SPSB4: variants seen among roughly 807,000 people sequenced by gnomAD.
SPSB4 encodes the protein SPRY domain-containing SOCS box protein 4.
SPSB4 carries 21 observed loss-of-function variants against 20.9 expected under a neutral mutation model. That is an observed-to-expected ratio of 1.01 (90% CI 0.71 to 1.45). The LOEUF (loss-of-function observed/expected upper bound fraction) is 1.45, where lower values mean the gene tolerates loss of function less well. Ranked by LOEUF, SPSB4 falls within the 40% of genes most tolerant of loss-of-function variation. SPSB4 has a pLI of 0.00. For missense variants in SPSB4, 399 were observed against 399.2 expected (o/e 1.00, Z 0.00); for synonymous variants, 207 against 183.8 (o/e 1.13, Z -1.02).
At chr3:141,107,558 G>A (rs559638873) in intron 2 of SPSB4, among the ~76,000 whole-genome samples, 1 of 152,312 alleles carries the variant, frequency 6.6e-6, no homozygotes, top group African/African-American at 2.4e-5. Context: ...AGTCCCTTAG[G>A]TTTCTGAGTT....
At chr3:141,087,991 T>C (rs1938382533) in intron 2 of SPSB4, among the ~76,000 whole-genome samples, 1 of 152,204 alleles carries the variant, frequency 6.6e-6, no homozygotes, top group South Asian at 2.1e-4. Flanking sequence ...AAAGCCCTGT[T>C]GGCCATTTAG....
At position 141,098,923 on chromosome 3, in the gene SPSB4, C is replaced by T. The variant is rs145751303; in HGVS notation, c.694+32125C>T. On this transcript the variant is annotated intron_variant, in intron 2 of 2. Coordinates refer to ENST00000310546, the MANE Select transcript of SPSB4 (RefSeq NM_080862.3). The stretch of plus-strand genomic sequence containing the variant: ...AGTCCAAGAGCATGGCATTGGCATC[C>T]GGCGAGGGTCATCCCATGGTAGAAG... Among the ~76,000 whole-genome samples the T allele has an allele frequency of 1.8e-4, 27 of 152,192 alleles. No individual in the cohort carries two copies. In the South Asian group the frequency reaches 2.5e-3, roughly 14 times the overall value.
chr3:141,112,623 C>T (rs1431398604), intron 2 of SPSB4, among the ~76,000 whole-genome samples: 6 of 113,946 alleles, frequency 5.3e-5, no homozygotes, highest in African/African-American at 1.1e-4. Flanking sequence ...CCAGCCTGGG[C>T]GACAGAGCGA....
chr3:141,145,560 T>G (rs1338134101), intron 2 of SPSB4, among the ~76,000 whole-genome samples: 1 of 152,270 alleles, frequency 6.6e-6, no homozygotes, highest in Non-Finnish European at 1.5e-5. Flanking sequence ...TCTGTGGTAC[T>G]ATTCCTATCA....
chr3:141,119,740 G>A (rs1463176006), intron 2 of SPSB4, among the ~76,000 whole-genome samples: 1 of 152,172 alleles, frequency 6.6e-6, no homozygotes, highest in African/African-American at 2.4e-5. Flanking sequence ...TTGTATTTCT[G>A]TGGGATCAGT....
At position 141,066,566 on chromosome 3, in the gene SPSB4, G is replaced by C; in HGVS notation, c.462G>C (p.Lys154Asn). Residue 154 changes from lysine to asparagine, a missense_variant, in exon 2 of 3, where the codon AAG (lysine) becomes AAC (asparagine). Coordinates refer to ENST00000310546, the MANE Select transcript of SPSB4 (RefSeq NM_080862.3). Reference protein sequence around the residue: ...LGRSRLYHDGKNQPGVAYPAF... With the variant: ...LGRSRLYHDGNNQPGVAYPAF... ...GCAGCCGCCTCTACCACGACGGCAAGAACCAGCCCGGCGTGGCCTACCCGG... is the reference window on the plus strand; with the variant it reads ...GCAGCCGCCTCTACCACGACGGCAACAACCAGCCCGGCGTGGCCTACCCGG... 1 of 1,541,288 alleles carries C rather than the reference G, an allele frequency of 6.5e-7. No homozygotes were observed. The highest frequency in any genetic ancestry group is 8.7e-7 in the Non-Finnish European group (1 of 1,143,646).
chr3:141,071,931 G>A (rs1049153239), intron 2 of SPSB4, among the ~76,000 whole-genome samples: 4 of 152,220 alleles, frequency 2.6e-5, no homozygotes, highest in African/African-American at 7.2e-5. Context: ...GCCAGAGAGA[G>A]TTTGCTCTCA....
chr3:141,140,385 G>A (rs976576627), intron 2 of SPSB4, among the ~76,000 whole-genome samples: 19 of 152,264 alleles, frequency 1.2e-4, no homozygotes, highest in East Asian at 9.6e-4. Context: ...GAGGAGCTGC[G>A]TTCCTTTGGA....
At chr3:141,067,861 CAGTTTATTCA>C in intron 2 of SPSB4, among the ~76,000 whole-genome samples, 1 of 152,318 alleles carries the variant, frequency 6.6e-6, no homozygotes, top group African/African-American at 2.4e-5. Context: ...CTAGAATTTC[CAGTTTATTCA>C]TTCTAAATAA....
chr3:141,077,263 G>A (rs916725742), intron 2 of SPSB4: 3 of 152,218 alleles, frequency 2.0e-5, no homozygotes, highest in Admixed American at 6.5e-5. Context: ...AAATACTGCC[G>A]TGCAGGCTCT....
At position 141,066,312 on chromosome 3, in the gene SPSB4, G is replaced by T. The variant is rs751871737; in HGVS notation, c.208G>T (p.Asp70Tyr). 20 of 1,573,864 alleles carry T rather than the reference G, an allele frequency of 1.3e-5. No homozygotes were observed. The highest frequency in any genetic ancestry group is 1.7e-5 in the Non-Finnish European group (20 of 1,161,626). The change falls in exon 2 of 3, where the codon GAC becomes TAC. Residue 70 changes from aspartate to tyrosine, a missense_variant. Coordinates refer to ENST00000310546, the MANE Select transcript of SPSB4 (RefSeq NM_080862.3). ...DRSLNVFVKD[D>Y]DRLTFHRHPV... ...CTCGCTCAACGTCTTCGTCAAGGAC[G>T]ACGACCGGCTCACCTTCCACCGGCA...
intron 2 of SPSB4, among the ~76,000 whole-genome samples, chr3:141,119,545 G>C (rs1938931143): frequency 1.3e-5 from 2 of 152,212 alleles, no homozygotes; most frequent in South Asian, 4.1e-4. Flanking sequence ...GGAGTGATGA[G>C]AGAGGGCATC....
At chr3:141,143,286 A>G (rs901110472) in intron 2 of SPSB4, among the ~76,000 whole-genome samples, 5 of 152,164 alleles carry the variant, frequency 3.3e-5, no homozygotes, top group African/African-American at 1.2e-4. Context: ...AAGACAGCAG[A>G]TACTTGGTTG....
chr3:141,114,267 A>T (rs1938850920), intron 2 of SPSB4, among the ~76,000 whole-genome samples: 1 of 152,026 alleles, frequency 6.6e-6, no homozygotes, highest in African/African-American at 2.4e-5. Flanking sequence ...CTGGGGGAGC[A>T]CCCTTCATTC....
At position 141,066,388 on chromosome 3, in the gene SPSB4, G is replaced by C. The variant is rs1457468003; in HGVS notation, c.284G>C (p.Arg95Pro). ...ATCCGCGGCAAGGTGGGCCACGCCC[G>C]CGGCCTGCACGCCTGGCAGATCAAC... ...DGIRGKVGHA[R>P]GLHAWQINWP... The change falls in exon 2 of 3, where the codon CGC becomes CCC. Residue 95 changes from arginine to proline, a missense_variant. Coordinates refer to ENST00000310546, the MANE Select transcript of SPSB4 (RefSeq NM_080862.3). The C allele has an allele frequency of 6.5e-7, 1 of 1,543,242 alleles. No individual in the cohort carries two copies. Among genetic ancestry groups the C allele is most frequent in the Non-Finnish European group, 8.7e-7 (1 of 1,145,984 alleles).
At chr3:141,130,621 T>C (rs1939117094) in intron 2 of SPSB4, among the ~76,000 whole-genome samples, 1 of 152,138 alleles carries the variant, frequency 6.6e-6, no homozygotes, top group African/African-American at 2.4e-5. Flanking sequence ...AATACAGGGT[T>C]GGGGTAGGGT....
chr3:141,065,587 A>G (rs1937848335), intron 1 of SPSB4, among the ~76,000 whole-genome samples: 1 of 152,232 alleles, frequency 6.6e-6, no homozygotes, highest in African/African-American at 2.4e-5. Context: ...TGATTGTTCT[A>G]GGTCCGGAAC....
At chr3:141,126,917 C>T (rs958801393) in intron 2 of SPSB4, among the ~76,000 whole-genome samples, 1 of 152,248 alleles carries the variant, frequency 6.6e-6, no homozygotes, top group Non-Finnish European at 1.5e-5. Flanking sequence ...GGATTCGCCT[C>T]CAATACAGCC....
Position 141,147,299 on chromosome 3 carries a change from A to G in SPSB4, c.*30A>G. 1 of 1,613,464 alleles carries G rather than the reference A, an allele frequency of 6.2e-7. No homozygotes were observed. The highest frequency in any genetic ancestry group is 1.1e-5 in the South Asian group (1 of 91,052). On this transcript the variant is annotated 3_prime_UTR_variant, in exon 3 of 3. Transcript: ENST00000310546. ...AGCCTGATGGGCAGCACAGACACAG[A>G]CACACACCGCAGGGCCCGACCCTCC...
Sources: gnomAD v4.1 joint callset for allele counts (sites outside exome capture counted in the v4.1 genomes callset) on GRCh38, gnomAD v4.1.1 for gene constraint, MANE v1.5 for transcripts, NCBI Gene and HGNC (gene_info 2026-07-23, HGNC 2026-07-21) for gene names.